Variants in RAB31 observed in about 807,000 individuals in gnomAD.
RAB31 encodes the protein RAB31, member RAS oncogene family.
RAB31 carries 21 observed loss-of-function variants against 25.6 expected under a neutral mutation model. The ratio of observed to expected loss-of-function variants is 0.82; its 90% CI spans 0.58 to 1.18. The LOEUF is 1.18. RAB31 is among the 50% of genes most tolerant of loss of function. The pLI, the probability that RAB31 is intolerant of heterozygous loss-of-function variation, is 0.00. For synonymous variants in RAB31, 87 were observed against 84.0 expected (o/e 1.04, Z -0.20); for missense variants, 196 against 250.1 (o/e 0.78, Z 1.46).
At chr18:9,795,401 A>G (rs1048657234) in intron 3 of RAB31, among the ~76,000 whole-genome samples, 2 of 152,242 alleles carry the variant, frequency 1.3e-5, no homozygotes, top group African/African-American at 4.8e-5. Context: ...TAATTAAACT[A>G]AAAAGCTTCT....
At chr18:9,718,420 T>G (rs1473680676) in intron 1 of RAB31, among the ~76,000 whole-genome samples, 1 of 151,752 alleles carries the variant, frequency 6.6e-6, no homozygotes, top group Non-Finnish European at 1.5e-5. Flanking sequence ...CCACCATGCC[T>G]GGCTAATTTT....
intron 1 of RAB31, among the ~76,000 whole-genome samples, chr18:9,767,500 G>A (rs534413169): frequency 6.6e-5 from 10 of 152,328 alleles, no homozygotes; most frequent in African/African-American, 1.2e-4. Context: ...GGTGGATGTC[G>A]TGAAGAGAGA....
chr18:9,748,421 G>T lies in RAB31; in HGVS notation c.40-26857G>T, dbSNP rs535146822. Among the ~76,000 whole-genome samples the T allele has an allele frequency of 2.0e-5, 3 of 152,072 alleles. No homozygotes were observed. In the South Asian group the frequency reaches 6.2e-4, roughly 32 times the overall value. On this transcript the variant is annotated intron_variant, in intron 1 of 6. Coordinates refer to ENST00000578921, the MANE Select transcript of RAB31 (RefSeq NM_006868.4). ...CTCAGGAGGCTGAGGTGGGAGGATC[G>T]CTTGAGCCCAGAAGGTTGAGGCTAC...
chr18:9,749,979 C>T (rs985297410), intron 1 of RAB31, among the ~76,000 whole-genome samples: 1 of 152,186 alleles, frequency 6.6e-6, no homozygotes, highest in Non-Finnish European at 1.5e-5. Flanking sequence ...TTCATTCTTT[C>T]TTTTTGTCTC....
At chr18:9,841,538 CAAAAAAA>C (rs56283904) in intron 5 of RAB31, among the ~76,000 whole-genome samples, 7 of 100,860 alleles carry the variant, frequency 6.9e-5, no homozygotes, top group Non-Finnish European at 9.7e-5. Context: ...GACTCTGTCT[CAAAAAAA>C]AAAAAAAAAA....
At chr18:9,756,943 G>C (rs573553062) in intron 1 of RAB31, among the ~76,000 whole-genome samples, 2 of 152,314 alleles carry the variant, frequency 1.3e-5, no homozygotes, top group South Asian at 4.1e-4. Flanking sequence ...TTAGGAGTCT[G>C]TTCTGATTGA....
intron 6 of RAB31, among the ~76,000 whole-genome samples, chr18:9,851,230 G>T (rs1442949293): frequency 6.6e-6 from 1 of 152,152 alleles, no homozygotes; most frequent in Non-Finnish European, 1.5e-5. Flanking sequence ...TAAGAAAGTG[G>T]ACAGACTTTC....
chr18:9,776,289 T>C (rs1416634058), intron 2 of RAB31, among the ~76,000 whole-genome samples: 1 of 152,236 alleles, frequency 6.6e-6, no homozygotes, highest in African/African-American at 2.4e-5. Flanking sequence ...GAACGTGGCC[T>C]CTGCTTATTT....
At chr18:9,790,773 A>C (rs2068455832) in intron 2 of RAB31, among the ~76,000 whole-genome samples, 2 of 152,192 alleles carry the variant, frequency 1.3e-5, no homozygotes, top group African/African-American at 4.8e-5. Context: ...ATTCAGACTA[A>C]ACATTTGTGG....
chr18:9,803,151 A>G (rs1473804511), intron 3 of RAB31, among the ~76,000 whole-genome samples: 1 of 151,890 alleles, frequency 6.6e-6, no homozygotes, highest in East Asian at 1.9e-4. Context: ...ATTCCTCCTC[A>G]TGGGAGAGGA....
intron 2 of RAB31, among the ~76,000 whole-genome samples, chr18:9,775,757 T>C (rs1180510087): frequency 2.0e-5 from 3 of 152,178 alleles, no homozygotes; most frequent in African/African-American, 4.8e-5. Context: ...GCAAAGTCTG[T>C]GGAGCAGATT....
At chr18:9,725,383 T>C (rs557987669) in intron 1 of RAB31, among the ~76,000 whole-genome samples, 1 of 152,344 alleles carries the variant, frequency 6.6e-6, no homozygotes, top group South Asian at 2.1e-4. Context: ...AATAGGCTTA[T>C]AAGGGCAAGT....
chr18:9,828,062 C>T (rs1458758919), intron 5 of RAB31, among the ~76,000 whole-genome samples: 1 of 152,042 alleles, frequency 6.6e-6, no homozygotes, highest in Non-Finnish European at 1.5e-5. Context: ...CAGGCAGTTA[C>T]GGATGTGTTG....
At chr18:9,781,587 G>A (rs2068405029) in intron 2 of RAB31, among the ~76,000 whole-genome samples, 1 of 152,210 alleles carries the variant, frequency 6.6e-6, no homozygotes, top group South Asian at 2.1e-4. Context: ...GAGTTTACAG[G>A]CGTGAGCCAC....
rs187264007 is a variant in RAB31, at chr18:9,746,638, A to G, written c.40-28640A>G. 1.2e-3 allele frequency among the ~76,000 whole-genome samples: 187 copies of G among 152,362 alleles called. 2 individuals are homozygous for G. Among genetic ancestry groups the G allele is most frequent in the Middle Eastern group, 6.8e-3 (2 of 294 alleles). ...ATACATTTATGGTGACTGATTTTCA[A>G]TAAGAGTACGAAGATCAGTCAATAG... On this transcript the variant is annotated intron_variant, in intron 1 of 6. Transcript: ENST00000578921.
chr18:9,745,335 A>G (rs898732638), intron 1 of RAB31, among the ~76,000 whole-genome samples: 3 of 152,236 alleles, frequency 2.0e-5, no homozygotes. Context: ...GCTCAGGACC[A>G]GATCGCTCTA....
At chr18:9,730,019 TG>T (rs1211192436) in intron 1 of RAB31, among the ~76,000 whole-genome samples, 3 of 152,198 alleles carry the variant, frequency 2.0e-5, no homozygotes, top group Admixed American at 2.0e-4. Context: ...ATTTTTCATA[TG>T]CTTCATATAA....
At chr18:9,820,677 T>C (rs1428135724) in intron 5 of RAB31, among the ~76,000 whole-genome samples, 1 of 152,082 alleles carries the variant, frequency 6.6e-6, no homozygotes, top group African/African-American at 2.4e-5. Flanking sequence ...TATCTCATAA[T>C]CTTTTTTTCT....
chr18:9,820,241 CT>C (rs1414576078), intron 5 of RAB31, among the ~76,000 whole-genome samples: 1 of 151,966 alleles, frequency 6.6e-6, no homozygotes, highest in Non-Finnish European at 1.5e-5. Context: ...TTGTTGAAGG[CT>C]TTTTGTCATG....
Sources: allele counts gnomAD v4.1 joint callset (sites outside exome capture counted in the v4.1 genomes callset), GRCh38; gene constraint gnomAD v4.1.1; transcripts MANE v1.5; gene names NCBI Gene and HGNC (gene_info 2026-07-23, HGNC 2026-07-21).